The following CEP76 variants were observed in gnomAD, a reference collection of about 807,000 sequenced individuals.
The protein encoded by CEP76 is centrosomal protein of 76 kDa.
A neutral mutation model predicts 83.3 loss-of-function variants in CEP76; 55 were observed. The observed-to-expected ratio is 0.66, with a 90% CI of 0.53 to 0.83. CEP76 has a LOEUF of 0.83. Among genes scored for constraint, CEP76 ranks in the 40% least tolerant of loss-of-function variants. CEP76 has a pLI of 0.00. For synonymous variants in CEP76, 270 were observed against 274.5 expected (o/e 0.98, Z 0.16); for missense variants, 694 against 799.5 (o/e 0.87, Z 1.59).
At chr18:12,688,985 G>C (rs1327091617) in intron 7 of CEP76, among the ~76,000 whole-genome samples, 1 of 152,012 alleles carries the variant, frequency 6.6e-6, no homozygotes, top group Admixed American at 6.6e-5. Context: ...ATGGTGGCAC[G>C]TGCCTGTAGT....
intron 7 of CEP76, among the ~76,000 whole-genome samples, chr18:12,688,113 C>T (rs2039610289): frequency 6.6e-6 from 1 of 151,630 alleles, no homozygotes; most frequent in Admixed American, 6.6e-5. Context: ...GGCATGTGGT[C>T]CCAGCAACTT....
chr18:12,702,538 G>C lies in CEP76; in HGVS notation c.11C>G (p.Pro4Arg). The stretch of plus-strand genomic sequence containing the variant: ...CTTCAGCTCGGAGGCTTTCTCCGGA[G>C]GCAGCGACATGCTGGCAGCCGGCGT... Reference protein sequence around the residue: MSLPPEKASELKQL... With the variant: MSLRPEKASELKQL... Residue 4 changes from proline to arginine, a missense_variant, in exon 1 of 12, where the codon CCT becomes CGT. Pro to Arg is a moderately radical substitution (Grantham distance 103). Transcript: ENST00000262127. 1.2e-6 allele frequency: 2 copies of C among 1,607,034 alleles called. No individual in the cohort carries two copies. Among genetic ancestry groups the C allele is most frequent in the Non-Finnish European group, 8.5e-7 (1 of 1,178,176 alleles).
chr18:12,691,469 T>C lies in CEP76; in HGVS notation c.823A>G (p.Lys275Glu). 6.3e-7 allele frequency: 1 copy of C among 1,598,468 alleles called. No homozygotes were observed. Among genetic ancestry groups the C allele is most frequent in the Non-Finnish European group, 8.5e-7 (1 of 1,174,620 alleles). ...AATAATCGCTCTTTCTCTGCAGTTT[T>C]CTGACGTTCCAAAGCAAGCTTGAAA... ...VNTQLALERQ[K>E]TAEKERLFLV... The change falls in exon 7 of 12, where the codon AAA becomes GAA. Residue 275 changes from lysine (K) to glutamate (E), a missense_variant. Coordinates refer to ENST00000262127, the MANE Select transcript of CEP76 (RefSeq NM_024899.4).
chr18:12,682,128 A>G (rs1408865797), intron 8 of CEP76, among the ~76,000 whole-genome samples: 3 of 152,202 alleles, frequency 2.0e-5, no homozygotes, highest in Admixed American at 6.5e-5. Context: ...AGCAAAAATA[A>G]CTATTTGAGT....
At chr18:12,701,151 A>C (rs748522887) in intron 1 of CEP76, 38 bp from the exon 2 acceptor site, 1 of 1,534,532 alleles carries the variant, frequency 6.5e-7, no homozygotes, top group African/African-American at 1.4e-5. Flanking sequence ...ATAACATCAC[A>C]AAGCAGTCAA....
chr18:12,676,431 C>T (rs889824766), intron 10 of CEP76, among the ~76,000 whole-genome samples: 1 of 151,144 alleles, frequency 6.6e-6, no homozygotes, highest in Non-Finnish European at 1.5e-5. Context: ...TGCACCACCA[C>T]ACCCGGCTAA....
intron 8 of CEP76, among the ~76,000 whole-genome samples, chr18:12,681,583 A>G (rs977287112): frequency 1.3e-5 from 2 of 152,112 alleles, no homozygotes; most frequent in African/African-American, 4.8e-5. Context: ...GCTGAAGTAC[A>G]TGAACAAACA....
At chr18:12,682,000 AAAAAAAAG>A (rs1187236410) in intron 8 of CEP76, among the ~76,000 whole-genome samples, 1 of 151,984 alleles carries the variant, frequency 6.6e-6, no homozygotes, top group African/African-American at 2.4e-5. Flanking sequence ...TGTCTCTAAA[AAAAAAAAG>A]AAAAAAAGAA....
At chr18:12,677,453 C>A (rs2039179993) in intron 10 of CEP76, among the ~76,000 whole-genome samples, 2 of 90,068 alleles carry the variant, frequency 2.2e-5, no homozygotes, top group South Asian at 4.2e-4. Flanking sequence ...CGAGAGATTC[C>A]ATCTCAAAAA....
chr18:12,697,416 T>C lies in CEP76; in HGVS notation c.521-8A>G. On this transcript the variant is annotated splice_polypyrimidine_tract_variant and splice_region_variant and intron_variant, in intron 4 of 11. Coordinates refer to ENST00000262127, the MANE Select transcript of CEP76 (RefSeq NM_024899.4). ...CCATTCTAGTTCCATCACCTAGCAA[T>C]ATAATCCAAACGAAATTATACCACA... The C allele has an allele frequency of 7.5e-6, 12 of 1,590,064 alleles. No individual in the cohort carries two copies. The highest frequency in any genetic ancestry group is 1.1e-5 in the South Asian group (1 of 87,854).
chr18:12,682,519 T>C (rs372125432), intron 8 of CEP76, among the ~76,000 whole-genome samples: 44 of 152,170 alleles, frequency 2.9e-4, no homozygotes, highest in African/African-American at 1.0e-3. Flanking sequence ...AAATTGGATT[T>C]GGTGGTGCTA....
chr18:12,677,458 C>CAAA (rs71174127), intron 10 of CEP76, among the ~76,000 whole-genome samples: 8 of 53,940 alleles, frequency 1.5e-4, no homozygotes, highest in African/African-American at 2.5e-4. Flanking sequence ...GATTCCATCT[C>CAAA]AAAAAAAAAA....
At position 12,702,616 on chromosome 18, in the gene CEP76, G is replaced by A. The variant is rs560080847; in HGVS notation, c.-68C>T. 159 of 1,526,890 alleles carry A rather than the reference G, an allele frequency of 1.0e-4. No homozygotes were observed. The South Asian group carries it at 1.8e-3, about 17-fold the overall frequency. The allele number at this position is 1,526,890 out of a possible 1,614,324, so 94.6% of individuals were successfully genotyped here. A position where few individuals can be genotyped will look rare whatever the true frequency, so the allele number is the denominator to read the frequency against. ...TGCCCTAACTGCGCGGCCCCGGCCG[G>A]GCCAGGGAGCGTTAGGAGCGACTGG... is the stretch of plus-strand genomic sequence containing the variant. On this transcript the variant is annotated 5_prime_UTR_variant, in exon 1 of 12. Coordinates refer to ENST00000262127, the MANE Select transcript of CEP76 (RefSeq NM_024899.4).
chr18:12,692,767 G>A (rs2039813875), intron 6 of CEP76, among the ~76,000 whole-genome samples: 7 of 152,188 alleles, frequency 4.6e-5, no homozygotes, highest in South Asian at 4.1e-4. Flanking sequence ...CATCTCCAGT[G>A]TCTAGAACAG....
At chr18:12,698,466 G>A (rs894265994) in intron 4 of CEP76, among the ~76,000 whole-genome samples, 30 of 152,042 alleles carry the variant, frequency 2.0e-4, no homozygotes, top group Non-Finnish European at 2.9e-5. Context: ...ACCACACCCA[G>A]CCTATTTTTT....
intron 6 of CEP76, among the ~76,000 whole-genome samples, chr18:12,692,877 C>G (rs562487485): frequency 6.6e-6 from 1 of 152,318 alleles, no homozygotes; most frequent in East Asian, 1.9e-4. Context: ...GTCTGGAGTG[C>G]TACTGCATGA....
At position 12,674,681 on chromosome 18, in the gene CEP76, A is replaced by C; in HGVS notation, c.1696T>G (p.Phe566Val). ...LLSPALASYE[F>V]ERTTSISAGN... ...GCTGATATACTTGTTGTACGCTCAA[A>C]TTCATAAGAAGCCAAAGCTGGTGAT... The change falls in exon 11 of 12, where the codon TTT becomes GTT. Residue 566 changes from phenylalanine to valine, a missense_variant. Transcript: ENST00000262127. The C allele has an allele frequency of 6.2e-7, 1 of 1,614,128 alleles. No individual in the cohort carries two copies. Among genetic ancestry groups the C allele is most frequent in the Non-Finnish European group, 8.5e-7 (1 of 1,180,038 alleles).
At chr18:12,697,955 G>C in intron 4 of CEP76, among the ~76,000 whole-genome samples, 1 of 152,086 alleles carries the variant, frequency 6.6e-6, no homozygotes, top group East Asian at 1.9e-4. Flanking sequence ...ACTTTGCTTA[G>C]TTTACAAATA....
downstream of CEP76, among the ~76,000 whole-genome samples, chr18:12,670,020 AAAAG>A (rs2038903710): frequency 6.6e-6 from 1 of 150,996 alleles, no homozygotes; most frequent in Non-Finnish European, 1.5e-5. Context: ...AAGAAAAAGA[AAAAG>A]AAAAATTATT....
Sources: allele counts gnomAD v4.1 joint callset (sites outside exome capture counted in the v4.1 genomes callset), GRCh38; gene constraint gnomAD v4.1.1; transcripts MANE v1.5; gene names NCBI Gene and HGNC (gene_info 2026-07-23, HGNC 2026-07-21).